Variants in NDRG3 observed in about 807,000 individuals in gnomAD.
NDRG3 encodes NDRG family member 3.
In NDRG3, 23 loss-of-function variants were observed where a neutral mutation model predicts 57.2. That is an observed-to-expected ratio of 0.40 (90% CI 0.29 to 0.57). The LOEUF (loss-of-function observed/expected upper bound fraction) is 0.57. NDRG3 is among the 20% of genes least tolerant of loss of function. The pLI, the probability that NDRG3 is intolerant of heterozygous loss-of-function variation, is 0.42. For missense variants in NDRG3, 384 were observed against 457.3 expected (o/e 0.84, Z 1.46); for synonymous variants, 132 against 162.6 (o/e 0.81, Z 1.43).
intron 1 of NDRG3, among the ~76,000 whole-genome samples, chr20:36,735,552 A>G (rs1253765788): frequency 1.3e-5 from 2 of 152,192 alleles, no homozygotes; most frequent in Non-Finnish European, 2.9e-5. Context: ...CTCAAAACCA[A>G]TGCAGAGGCA....
Position 36,653,708 on chromosome 20 carries a change from C to T in NDRG3, c.947-7G>A, listed in dbSNP as rs1978412578. On this transcript the variant is annotated splice_polypyrimidine_tract_variant and splice_region_variant and intron_variant, in intron 15 of 15. Transcript: ENST00000349004. This position sits in a 1 kb window ranked among gnomAD's most constrained non-coding sequence, Gnocchi z 4.2. Reference sequence around the variant, plus strand: ...GTCATGCTGGCAGATGGTACTGTAACAGAGAACCAAGGGGACTAGAAGATG... The same window carrying T: ...GTCATGCTGGCAGATGGTACTGTAATAGAGAACCAAGGGGACTAGAAGATG... The T allele has an allele frequency of 6.2e-7, 1 of 1,611,630 alleles. No homozygotes were observed. The highest frequency in any genetic ancestry group is 8.5e-7 in the Non-Finnish European group (1 of 1,179,468).
chr20:36,670,464 CTG>C (rs1568629077), intron 9 of NDRG3, among the ~76,000 whole-genome samples: 3 of 152,124 alleles, frequency 2.0e-5, no homozygotes, highest in South Asian at 4.1e-4. Context: ...AAATAAAAGA[CTG>C]TGGATTTTGG....
rs1555809923 is a variant in NDRG3 at position 36,746,082 on chromosome 20, G to GGCA, written c.-87_-86insTGC. 5.1e-5 allele frequency: 1 copy of GGCA among 19,492 alleles called. No individual in the cohort carries two copies. The highest frequency in any genetic ancestry group is 7.4e-5 in the Non-Finnish European group (1 of 13,546). 1.2% of individuals were successfully genotyped at this position (19,492 alleles called of 1,614,324 possible). ...CACCCGCCGTCAGTGCAGCAGCAGC[G>GGCA]GCGGCGGCGGCGGCGGCGGCGGCGG... On this transcript the variant is annotated 5_prime_UTR_variant, in exon 1 of 16. Coordinates refer to ENST00000349004, the MANE Select transcript of NDRG3 (RefSeq NM_032013.4).
Position 36,721,792 on chromosome 20 carries a change from G to A in NDRG3, c.-48-9C>T, listed in dbSNP as rs1984610372. ...AGAATAAATCAGTAACTCTGAAACA[G>A]AAAAGAAAGAAGTGAAGAAAAAGGC... On this transcript the variant is annotated splice_polypyrimidine_tract_variant and intron_variant, in intron 1 of 15. Coordinates refer to ENST00000349004, the MANE Select transcript of NDRG3 (RefSeq NM_032013.4). The A allele has an allele frequency of 2.4e-6, 3 of 1,254,496 alleles. No individual in the cohort carries two copies. In the South Asian group the frequency reaches 3.8e-5, roughly 16 times the overall value. 77.7% of individuals were successfully genotyped at this position (1,254,496 alleles called of 1,614,324 possible).
At chr20:36,733,161 AAAAAAAAAAAATAT>A (rs1389966249) in intron 1 of NDRG3, among the ~76,000 whole-genome samples, 3 of 46,432 alleles carry the variant, frequency 6.5e-5, no homozygotes, top group African/African-American at 3.6e-4. Context: ...AAAAAAAAAA[AAAAAAAAAAAATAT>A]ATATATATAT....
chr20:36,737,377 G>A (rs1015630118), intron 1 of NDRG3, among the ~76,000 whole-genome samples: 10 of 152,010 alleles, frequency 6.6e-5, no homozygotes, highest in East Asian at 5.8e-4. Context: ...GCTGTAAGGC[G>A]GAATCCCTAA....
chr20:36,666,358 G>A lies in NDRG3; in HGVS notation c.623C>T (p.Thr208Ile). 1.2e-6 allele frequency: 2 copies of A among 1,614,094 alleles called. No individual in the cohort carries two copies. The highest frequency in any genetic ancestry group is 2.2e-5 in the South Asian group (2 of 91,088). Residue 208 changes from threonine to isoleucine, a missense_variant, in exon 10 of 16, where the codon ACC becomes ATC. Thr to Ile is a moderately conservative substitution (Grantham distance 89). Coordinates refer to ENST00000349004, the MANE Select transcript of NDRG3 (RefSeq NM_032013.4). ...ELQANLDLIQ[T>I]YRMHIAQDIN... ...GTCTTGGGCAATATGCATTCTGTAG[G>A]TTTGGATCAGGTCCAGGTTGGCCTG...
intron 1 of NDRG3, among the ~76,000 whole-genome samples, chr20:36,741,000 G>A (rs1380803446): frequency 1.3e-5 from 2 of 152,102 alleles, no homozygotes; most frequent in African/African-American, 2.4e-5. Context: ...GGTGGGGGGG[G>A]AATCTTTTAG....
intron 9 of NDRG3, among the ~76,000 whole-genome samples, chr20:36,669,541 T>G (rs1368160468): frequency 6.6e-6 from 1 of 151,386 alleles, no homozygotes. Context: ...AATTTTGTAT[T>G]TTTAGTAGAG....
intron 1 of NDRG3, among the ~76,000 whole-genome samples, chr20:36,725,080 G>C (rs1422838413): frequency 1.3e-5 from 2 of 151,980 alleles, no homozygotes; most frequent in Non-Finnish European, 2.9e-5. Flanking sequence ...TGGATCATTT[G>C]AGGTCAGGTG....
chr20:36,671,355 G>A lies in NDRG3; in HGVS notation c.574C>T (p.His192Tyr). 6.2e-7 allele frequency: 1 copy of A among 1,613,836 alleles called. No individual in the cohort carries two copies. Among genetic ancestry groups the A allele is most frequent in the East Asian group, 2.2e-5 (1 of 44,876 alleles). Reference protein sequence around the residue: ...TTNVVDIILAHHFGQEELQAN... With the variant: ...TTNVVDIILAYHFGQEELQAN... ...CAGGTACTTACCTGCCCAAAGTGAT[G>A]AGCCAAAATAATGTCCACAACATTG... The change falls in exon 9 of 16, where the codon CAT becomes TAT. Residue 192 changes from histidine to tyrosine, a missense_variant. His to Tyr is a moderately conservative substitution (Grantham distance 83, BLOSUM62 2). Transcript: ENST00000349004.
chr20:36,738,594 G>A (rs1015878352), intron 1 of NDRG3, among the ~76,000 whole-genome samples: 1 of 150,986 alleles, frequency 6.6e-6, no homozygotes, highest in African/African-American at 2.4e-5. Flanking sequence ...AGGCCGGGGT[G>A]GGCGGATCAC....
chr20:36,710,999 G>A (rs1020972725), intron 2 of NDRG3, among the ~76,000 whole-genome samples: 1 of 149,124 alleles, frequency 6.7e-6, no homozygotes, highest in Non-Finnish European at 1.5e-5. Flanking sequence ...AATAAATAAG[G>A]GCCAGGCGTG....
intron 2 of NDRG3, among the ~76,000 whole-genome samples, chr20:36,719,544 G>T (rs1194282209): frequency 6.6e-6 from 1 of 152,022 alleles, no homozygotes. Context: ...GGGGTGGCAG[G>T]ATTCAAAAGC....
At position 36,653,573 on chromosome 20, in the gene NDRG3, AG is replaced by A; in HGVS notation, c.1074del (p.Cys359ValfsTer33). 6.2e-7 allele frequency: 1 copy of A among 1,614,194 alleles called. No individual in the cohort carries two copies. Among genetic ancestry groups the A allele is most frequent in the Non-Finnish European group, 8.5e-7 (1 of 1,180,004 alleles). On this transcript the variant is annotated frameshift_variant, in exon 16 of 16. Transcript: ENST00000349004. LOFTEE classifies it high-confidence loss of function. The surrounding 1 kb of genome is among the most constrained non-coding windows in gnomAD (Gnocchi z 4.2). ...TSNQSDGTQE[S>X]CESPDVLDRH... The stretch of plus-strand genomic sequence containing the variant: ...CTGTCCAGGACATCAGGGGACTCAC[AG>A]GATTCTTGAGTTCCATCTGACTGAT...
chr20:36,676,964 C>G (rs2148076670), intron 8 of NDRG3, among the ~76,000 whole-genome samples: 1 of 152,358 alleles, frequency 6.6e-6, no homozygotes, highest in Admixed American at 6.5e-5. Flanking sequence ...AGGGCTACAG[C>G]CGCCCAAACT....
chr20:36,709,362 C>G (rs1983738955), intron 2 of NDRG3, among the ~76,000 whole-genome samples: 1 of 152,060 alleles, frequency 6.6e-6, no homozygotes, highest in Admixed American at 6.6e-5. Flanking sequence ...AAAGAGCAGC[C>G]CCTGACTTTC....
intron 1 of NDRG3, among the ~76,000 whole-genome samples, chr20:36,737,889 C>T (rs1985688624): frequency 6.6e-6 from 1 of 151,778 alleles, no homozygotes; most frequent in Non-Finnish European, 1.5e-5. Flanking sequence ...CATGGTGAAA[C>T]TCACCTCCAC....
At chr20:36,725,033 C>T (rs903648775) in intron 1 of NDRG3, among the ~76,000 whole-genome samples, 17 of 152,240 alleles carry the variant, frequency 1.1e-4, no homozygotes, top group East Asian at 9.7e-4. Context: ...CAGTGGCTCA[C>T]GCCTGTAATC....
Sources: allele counts gnomAD v4.1 joint callset (sites outside exome capture counted in the v4.1 genomes callset), GRCh38; gene constraint gnomAD v4.1.1; non-coding constraint Gnocchi (gnomAD v3.1); transcripts MANE v1.5; gene names NCBI Gene and HGNC (gene_info 2026-07-23, HGNC 2026-07-21).